Variants in MPPED1 observed in about 807,000 individuals in gnomAD.
MPPED1 encodes metallophosphoesterase domain containing 1.
In MPPED1, 16 loss-of-function variants were observed where a neutral mutation model predicts 36.2. The ratio of observed to expected loss-of-function variants is 0.44; its 90% CI spans 0.30 to 0.67. The LOEUF is 0.67. Ranked by LOEUF, MPPED1 falls within the 30% of genes least tolerant of loss-of-function variation. The pLI, the probability that MPPED1 is intolerant of heterozygous loss-of-function variation, is 0.10. For missense variants in MPPED1, 307 were observed against 453.4 expected (o/e 0.68, Z 2.93); for synonymous variants, 199 against 191.3 (o/e 1.04, Z -0.33).
intron 3 of MPPED1, among the ~76,000 whole-genome samples, chr22:43,454,760 A>G (rs781440245): frequency 1.3e-5 from 2 of 152,228 alleles, no homozygotes; most frequent in Non-Finnish European, 2.9e-5. Context: ...CACGTTGCTC[A>G]GGCTGGTCTC....
chr22:43,459,015 T>C (rs148840050), intron 3 of MPPED1, among the ~76,000 whole-genome samples: 20 of 152,338 alleles, frequency 1.3e-4, no homozygotes, highest in African/African-American at 4.8e-4. Context: ...CTTGGATGTG[T>C]AGATTAATGT....
At chr22:43,445,964 G>A (rs193253958) in intron 3 of MPPED1, among the ~76,000 whole-genome samples, 62 of 142,206 alleles carry the variant, frequency 4.4e-4, no homozygotes, top group African/African-American at 1.6e-3. Flanking sequence ...TCAACCTCCT[G>A]GGATCAGGTG....
At chr22:43,482,298 A>T (rs1931774719) in intron 4 of MPPED1, among the ~76,000 whole-genome samples, 1 of 152,154 alleles carries the variant, frequency 6.6e-6, no homozygotes, top group Non-Finnish European at 1.5e-5. Flanking sequence ...GAAAGAAGGG[A>T]TCCAAACCTG....
intron 3 of MPPED1, among the ~76,000 whole-genome samples, chr22:43,460,746 T>A (rs34401744): frequency 6.6e-6 from 1 of 151,914 alleles, no homozygotes; most frequent in African/African-American, 2.4e-5. Context: ...TACCATTGTG[T>A]TGAGGCACAT....
intron 3 of MPPED1, among the ~76,000 whole-genome samples, chr22:43,447,828 T>A (rs1930399301): frequency 7.2e-6 from 1 of 139,366 alleles, no homozygotes; most frequent in Non-Finnish European, 1.5e-5. Context: ...TATTTTTATA[T>A]AAATATAAAA....
At position 43,474,861 on chromosome 22, in the gene MPPED1, C is replaced by G; in HGVS notation, c.532C>G (p.Pro178Ala). The G allele has an allele frequency of 6.2e-7, 1 of 1,614,034 alleles. No homozygotes were observed. Among genetic ancestry groups the G allele is most frequent in the Non-Finnish European group, 8.5e-7 (1 of 1,179,890 alleles). Residue 178 changes from proline to alanine, a missense_variant, in exon 4 of 7, where the codon CCG becomes GCG. By Grantham distance (27) the Pro-to-Ala change is conservative. Around this residue, in one of 3 missense-constraint regions of MPPED1, gnomAD observed 132 missense variants for 212.3 expected, o/e 0.62. Transcript: ENST00000443721. This position sits in a 1 kb window ranked among gnomAD's most constrained non-coding sequence, Gnocchi z 5.2. ...YYFPSVSKLK[P>A]ENYENVQSLL... ...CTTCCCATCTGTGTCGAAGCTGAAG[C>G]CGGAGAACTATGAGAATGTGCAGTC... is the stretch of plus-strand genomic sequence containing the variant.
At chr22:43,413,307 AG>A (rs2146806097) in intron 1 of MPPED1, among the ~76,000 whole-genome samples, 2 of 137,970 alleles carry the variant, frequency 1.4e-5, no homozygotes, top group African/African-American at 5.4e-5. Flanking sequence ...ACTTGTTAGC[AG>A]GGATCTGCGG....
intron 5 of MPPED1, among the ~76,000 whole-genome samples, chr22:43,498,939 A>C (rs1160238330): frequency 1.3e-5 from 2 of 151,762 alleles, no homozygotes; most frequent in African/African-American, 4.8e-5. Flanking sequence ...CATCCCTCCC[A>C]TTCCACCTCC....
chr22:43,477,944 G>A (rs975615269), intron 4 of MPPED1, among the ~76,000 whole-genome samples: 8 of 139,256 alleles, frequency 5.7e-5, no homozygotes, highest in African/African-American at 1.9e-4. Context: ...CTGGCTCAAA[G>A]GAAGGCCCTG....
chr22:43,441,717 A>G lies in MPPED1; in HGVS notation c.406+6502A>G, dbSNP rs142664993. Among the ~76,000 whole-genome samples, 107 of 152,316 alleles carry G rather than the reference A, an allele frequency of 7.0e-4. 1 individual carries two copies. Among genetic ancestry groups the G allele is most frequent in the African/African-American group, 2.4e-3 (100 of 41,560 alleles). On this transcript the variant is annotated intron_variant, in intron 3 of 6. Transcript: ENST00000443721. ...GGGGTCCAAGGATTTAGTGAAATAG[A>G]ACTAGGTCTTTTGCAAGTAAACCCT...
chr22:43,423,004 T>C (rs1929328858), intron 1 of MPPED1, among the ~76,000 whole-genome samples: 2 of 152,028 alleles, frequency 1.3e-5, no homozygotes, highest in African/African-American at 4.8e-5. Context: ...GCCCGGCTAA[T>C]TTTTGTGTTT....
rs1383115698 is a variant in MPPED1, at chr22:43,499,079, ATGGTGGAGGTGGTGG to A, written c.748+744_748+758del. Among the ~76,000 whole-genome samples, 9 of 133,670 alleles carry A rather than the reference ATGGTGGAGGTGGTGG, an allele frequency of 6.7e-5. No individual in the cohort carries two copies. The South Asian group carries it at 1.8e-3, about 26-fold the overall frequency. The allele number at this position is 133,670 out of a possible 152,430, so 87.7% of individuals were successfully genotyped here. On this transcript the variant is annotated intron_variant, in intron 5 of 6. Coordinates refer to ENST00000443721, the MANE Select transcript of MPPED1 (RefSeq NM_001044370.2). The stretch of plus-strand genomic sequence containing the variant: ...GGAGGTAGTGGTGATGGAGGTGGTG[ATGGTGGAGGTGGTGG>A]TGGTGGAGGTGGTGATGGTGGTGGA...
chr22:43,435,178 G>A lies in MPPED1; in HGVS notation c.369G>A (p.Gly123=), dbSNP rs1345332032. The A allele has an allele frequency of 1.9e-6, 3 of 1,611,974 alleles. No homozygotes were observed. In the Admixed American group the frequency reaches 5.0e-5, roughly 27 times the overall value. The change falls in exon 3 of 7, where the codon GGG becomes GGA. Residue 123 remains glycine, a synonymous_variant. Transcript: ENST00000443721. ...LIHAGDFTEL[G]LPSEVKKFNE... ...ACGCTGGGGACTTCACTGAGCTGGG[G>A]CTCCCGAGCGAGGTGAAGAAGTTCA...
intron 5 of MPPED1, among the ~76,000 whole-genome samples, chr22:43,500,082 G>A (rs1234241877): frequency 2.5e-5 from 3 of 119,838 alleles, no homozygotes; most frequent in Admixed American, 7.9e-5. Context: ...GGAGGTGGTG[G>A]TGATGGCGAT....
Position 43,495,495 on chromosome 22 carries a change from T to A in MPPED1, c.633-2740T>A, listed in dbSNP as rs984118080. Among the ~76,000 whole-genome samples the A allele has an allele frequency of 3.7e-4, 12 of 32,204 alleles. 2 individuals are homozygous for A. Among genetic ancestry groups the A allele is most frequent in the African/African-American group, 1.5e-3 (5 of 3,406 alleles). The allele number at this position is 32,204 out of a possible 152,430, so 21.1% of individuals were successfully genotyped here. A position where few individuals can be genotyped will look rare whatever the true frequency, so the allele number is the denominator to read the frequency against. The stretch of plus-strand genomic sequence containing the variant: ...ATGGTGGAGGTGGTGGTGGAGGTAG[T>A]GGTGGTGGAGGTGGTGGTGGTGGTG... On this transcript the variant is annotated intron_variant, in intron 4 of 6. Coordinates refer to ENST00000443721, the MANE Select transcript of MPPED1 (RefSeq NM_001044370.2).
chr22:43,450,494 A>G (rs1233504342), intron 3 of MPPED1, among the ~76,000 whole-genome samples: 4 of 152,238 alleles, frequency 2.6e-5, no homozygotes, highest in Admixed American at 2.6e-4. Context: ...CTTCCCAGCC[A>G]TATGGCCTTG....
intron 1 of MPPED1, 141 bp from the exon 2 acceptor site, chr22:43,424,767 G>C (rs1475242532): frequency 1.9e-6 from 2 of 1,058,138 alleles, no homozygotes; most frequent in Non-Finnish European, 2.5e-6. Context: ...GGAAAGATTT[G>C]TAATGAGTTT....
chr22:43,426,664 C>T (rs563196928), intron 2 of MPPED1, among the ~76,000 whole-genome samples: 2 of 152,310 alleles, frequency 1.3e-5, no homozygotes, highest in South Asian at 2.1e-4. Flanking sequence ...CAGGCCTGGC[C>T]TCTGTTGTGG....
intron 2 of MPPED1, among the ~76,000 whole-genome samples, chr22:43,431,803 T>G (rs1052699296): frequency 3.3e-5 from 5 of 152,262 alleles, no homozygotes; most frequent in Admixed American, 6.5e-5. Flanking sequence ...TATTTCAAAG[T>G]TGAGCATTTG....
Sources: allele counts gnomAD v4.1 joint callset (sites outside exome capture counted in the v4.1 genomes callset), GRCh38; gene constraint gnomAD v4.1.1; regional missense constraint gnomAD v4.1.1; non-coding constraint Gnocchi (gnomAD v3.1); transcripts MANE v1.5; gene names NCBI Gene and HGNC (gene_info 2026-07-23, HGNC 2026-07-21).